PPARD: variants seen among roughly 807,000 people sequenced by gnomAD.
The protein encoded by PPARD is peroxisome proliferator-activated receptor delta.
A neutral mutation model predicts 39.5 loss-of-function variants in PPARD; 6 were observed. That is an observed-to-expected ratio of 0.15 (90% CI 0.08 to 0.30). The LOEUF is 0.30. Among genes scored for constraint, PPARD ranks in the 10% least tolerant of loss-of-function variants. PPARD has a pLI of 1.00. For synonymous variants in PPARD, 210 were observed against 231.3 expected (o/e 0.91, Z 0.83); for missense variants, 397 against 596.8 (o/e 0.67, Z 3.49).
At chr6:35,379,617 C>A (rs1042657882) in intron 2 of PPARD, among the ~76,000 whole-genome samples, 1 of 152,244 alleles carries the variant, frequency 6.6e-6, no homozygotes, top group East Asian at 1.9e-4. Flanking sequence ...AAGCTGCAAC[C>A]AGTGGTGCCC....
At chr6:35,360,759 CTCTTT>C (rs141227473) in intron 2 of PPARD, among the ~76,000 whole-genome samples, 1,526 of 152,348 alleles carry the variant, frequency 0.01, 28 homozygotes, top group African/African-American at 0.035. Context: ...TTATATTTTT[CTCTTT>C]TCTTGCACCT....
intron 2 of PPARD, among the ~76,000 whole-genome samples, chr6:35,354,788 T>C (rs750520991): frequency 3.3e-5 from 5 of 152,198 alleles, no homozygotes; most frequent in Non-Finnish European, 5.9e-5. Context: ...ACATGCGTTT[T>C]TGACTTGTGA....
intron 1 of PPARD, among the ~76,000 whole-genome samples, chr6:35,346,615 G>C (rs866632167): frequency 1.3e-5 from 2 of 152,298 alleles, no homozygotes; most frequent in South Asian, 2.1e-4. Flanking sequence ...GGAGAACATG[G>C]CCCCTTGCAT....
intron 2 of PPARD, among the ~76,000 whole-genome samples, chr6:35,385,058 A>G (rs1185293808): frequency 6.9e-6 from 1 of 145,514 alleles, no homozygotes; most frequent in African/African-American, 2.7e-5. Context: ...CCGGGAGGTG[A>G]CGGGCGCCTC....
intron 2 of PPARD, chr6:35,348,232 A>G (rs1411510170): frequency 1.7e-6 from 1 of 584,620 alleles, no homozygotes; most frequent in African/African-American, 2.0e-5. Context: ...TTAAGTGCCA[A>G]CTATGTGCCA....
rs966320869 is a variant in PPARD, at chr6:35,412,359, A to C, written c.130+1142A>C. 2.6e-5 allele frequency among the ~76,000 whole-genome samples: 4 copies of C among 152,180 alleles called. No homozygotes were observed. The highest frequency in any genetic ancestry group is 9.7e-5 in the African/African-American group (4 of 41,434). On this transcript the variant is annotated intron_variant, in intron 3 of 7. Coordinates refer to ENST00000360694, the MANE Select transcript of PPARD (RefSeq NM_006238.5). This position sits in a 1 kb window ranked among gnomAD's most constrained non-coding sequence, Gnocchi z 4.1. ...AGGGTCATAAGGATATACTGCTGGG[A>C]GTAGACACCCTGCACTCGCTGCTGC...
At chr6:35,379,381 C>T (rs1157872226) in intron 2 of PPARD, among the ~76,000 whole-genome samples, 2 of 152,204 alleles carry the variant, frequency 1.3e-5, no homozygotes, top group Non-Finnish European at 1.5e-5. Flanking sequence ...GTATTACAGG[C>T]ATGAGCCACC....
Position 35,412,155 on chromosome 6 carries a change from C to T in PPARD, c.130+938C>T, listed in dbSNP as rs181721225. On this transcript the variant is annotated intron_variant, in intron 3 of 7. Coordinates refer to ENST00000360694, the MANE Select transcript of PPARD (RefSeq NM_006238.5). The surrounding 1 kb of genome is among the most constrained non-coding windows in gnomAD (Gnocchi z 4.1). ...CATGTTGGCCAGGCTGGTCTCGAAC[C>T]GCTGGGCTCAAGCAATCCACCCACC... Among the ~76,000 whole-genome samples, 24 of 152,034 alleles carry T rather than the reference C, an allele frequency of 1.6e-4. No homozygotes were observed. Among genetic ancestry groups the T allele is most frequent in the Middle Eastern group, 3.4e-3 (1 of 294 alleles).
intron 2 of PPARD, among the ~76,000 whole-genome samples, chr6:35,386,689 T>A (rs1372454595): frequency 6.6e-6 from 1 of 152,080 alleles, no homozygotes; most frequent in African/African-American, 2.4e-5. Flanking sequence ...AGTTTGTTGA[T>A]AACCCTGAAG....
chr6:35,415,778 C>CTGTGTGTGTGTGTGTGTGTG lies in PPARD; in HGVS notation c.131-4343_131-4324dup, dbSNP rs369825175. 1.6e-3 allele frequency among the ~76,000 whole-genome samples: 223 copies of CTGTGTGTGTGTGTGTGTGTG among 143,854 alleles called. 4 individuals carry two copies. Among genetic ancestry groups the CTGTGTGTGTGTGTGTGTGTG allele is most frequent in the African/African-American group, 4.8e-3 (172 of 36,012 alleles). The allele number at this position is 143,854 out of a possible 152,430, so 94.4% of individuals were successfully genotyped here. A position where few individuals can be genotyped will look rare whatever the true frequency, so the allele number is the denominator to read the frequency against. Reference sequence around the variant, plus strand: ...TCAGGGTTCTCCAGAGAAGGAGAACCTGTGTGTGTGTGTGTGTGTGTGTGT... The same window carrying CTGTGTGTGTGTGTGTGTGTG: ...TCAGGGTTCTCCAGAGAAGGAGAACCTGTGTGTGTGTGTGTGTGTGTGTGTGTGTGTGTGTGTGTGTGTGT... On this transcript the variant is annotated intron_variant, in intron 3 of 7. Transcript: ENST00000360694.
chr6:35,369,119 TATTTGGAAA>T (rs1409661333), intron 2 of PPARD, among the ~76,000 whole-genome samples: 1 of 152,204 alleles, frequency 6.6e-6, no homozygotes, highest in Non-Finnish European at 1.5e-5. Flanking sequence ...TATTTTAGAA[TATTTGGAAA>T]ATAAAGATAA....
intron 2 of PPARD, among the ~76,000 whole-genome samples, chr6:35,381,000 A>G (rs1156302115): frequency 6.6e-6 from 1 of 152,054 alleles, no homozygotes; most frequent in Non-Finnish European, 1.5e-5. Flanking sequence ...CTTGCCTGTC[A>G]GGCTCCACTT....
At chr6:35,358,510 G>A (rs1004928157) in intron 2 of PPARD, among the ~76,000 whole-genome samples, 1 of 152,212 alleles carries the variant, frequency 6.6e-6, no homozygotes, top group African/African-American at 2.4e-5. Flanking sequence ...AGGTACAAGT[G>A]GTGGCTTGGC....
chr6:35,399,578 G>A (rs1764567673), intron 2 of PPARD, among the ~76,000 whole-genome samples: 1 of 151,980 alleles, frequency 6.6e-6, no homozygotes, highest in African/African-American at 2.4e-5. Flanking sequence ...AGTTGGGTGT[G>A]GTGGCATGAA....
At chr6:35,400,557 T>C (rs7755021) in intron 2 of PPARD, among the ~76,000 whole-genome samples, 4,899 of 152,164 alleles carry the variant, frequency 0.032, 177 homozygotes, top group African/African-American at 0.081. Context: ...CTCAGCACTT[T>C]GGGAGGCTGA....
chr6:35,406,793 C>T (rs62402060), intron 2 of PPARD, among the ~76,000 whole-genome samples: 1 of 152,196 alleles, frequency 6.6e-6, no homozygotes, highest in African/African-American at 2.4e-5. Context: ...GAAAAAAACC[C>T]ACTACCAGCT....
At chr6:35,368,240 T>C (rs948990155) in intron 2 of PPARD, among the ~76,000 whole-genome samples, 11 of 152,238 alleles carry the variant, frequency 7.2e-5, no homozygotes, top group African/African-American at 2.7e-4. Flanking sequence ...ATTTGCTAGC[T>C]TCCCCCAAGC....
rs550238146 is a variant in PPARD at position 35,374,313 on chromosome 6, C to CG, written c.-102+27170dup. ...TCATGGTTAGTTCTCGGCGGTGGGG[C>CG]GGGGGGGTTTAGTGGGCAATTGCTT... On this transcript the variant is annotated intron_variant, in intron 2 of 7. Coordinates refer to ENST00000360694, the MANE Select transcript of PPARD (RefSeq NM_006238.5). Among the ~76,000 whole-genome samples, 26 of 142,662 alleles carry CG rather than the reference C, an allele frequency of 1.8e-4. 2 individuals carry two copies. The highest frequency in any genetic ancestry group is 6.3e-4 in the African/African-American group (22 of 34,726). The allele number at this position is 142,662 out of a possible 152,430, so 93.6% of individuals were successfully genotyped here.
In PPARD at chr6:35,425,792, T is replaced by C. The variant is rs1419811442; in HGVS notation, c.1079-40T>C. 2 of 1,605,728 alleles carry C rather than the reference T, an allele frequency of 1.2e-6. No homozygotes were observed. The highest frequency in any genetic ancestry group is 1.7e-6 in the Non-Finnish European group (2 of 1,175,816). Reference sequence around the variant, plus strand: ...TGGGGTGGAAGTAGGGGAGCTCCACTGCCTTTCTGAGCTCCCTGGCGTGCC... The same window carrying C: ...TGGGGTGGAAGTAGGGGAGCTCCACCGCCTTTCTGAGCTCCCTGGCGTGCC... On this transcript the variant is annotated intron_variant, in intron 7 of 7. Transcript: ENST00000360694. This position sits in a 1 kb window ranked among gnomAD's most constrained non-coding sequence, Gnocchi z 4.5.
Sources: gnomAD v4.1 joint callset for allele counts (sites outside exome capture counted in the v4.1 genomes callset) on GRCh38, gnomAD v4.1.1 for gene constraint, Gnocchi (gnomAD v3.1) non-coding constraint, MANE v1.5 for transcripts, NCBI Gene and HGNC (gene_info 2026-07-23, HGNC 2026-07-21) for gene names.